Variants in CRYBA4 observed in about 807,000 individuals in gnomAD.
CRYBA4 encodes crystallin beta A4, also known as beta-crystallin A4.
In CRYBA4, 30 loss-of-function variants were observed where a neutral mutation model predicts 31.7. The ratio of observed to expected loss-of-function variants is 0.95; its 90% CI spans 0.71 to 1.28. CRYBA4 has a LOEUF of 1.28. Among genes scored for constraint, CRYBA4 ranks in the 50% most tolerant of loss-of-function variants. The probability of loss-of-function intolerance (pLI) is 0.00; values close to 1 mark genes in which losing one functional copy is unlikely to be tolerated. For missense variants in CRYBA4, 225 were observed against 260.7 expected, an observed-to-expected ratio of 0.86 and a Z score of 0.94; for synonymous variants, 102 against 102.3, an observed-to-expected ratio of 1.00 and a Z score of 0.02.
the CRYBA4 span, among the ~76,000 whole-genome samples, chr22:26,597,541 C>T: frequency 6.6e-6 from 1 of 152,202 alleles, no homozygotes; most frequent in African/African-American, 2.4e-5. Flanking sequence ...CCCTATTCTC[C>T]ATCAAGCAAG....
chr22:26,616,255 T>C, the CRYBA4 span: 6 of 1,613,950 alleles, frequency 3.7e-6, no homozygotes, highest in African/African-American at 8.0e-5. Flanking sequence ...CCCCTTCCCC[T>C]TGGTGTCAGG....
At chr22:26,608,152 A>T in the CRYBA4 span, 1 of 1,339,546 alleles carries the variant, frequency 7.5e-7, no homozygotes. Flanking sequence ...AGGGGGCTGA[A>T]CATGTCTGGG....
upstream of CRYBA4, among the ~76,000 whole-genome samples, chr22:26,619,853 C>T (rs1929476451): frequency 6.6e-6 from 1 of 152,248 alleles, no homozygotes; most frequent in African/African-American, 2.4e-5. Context: ...GGGCTGTCTG[C>T]CAGAGGGTGG....
intron 5 of CRYBA4, among the ~76,000 whole-genome samples, chr22:26,628,810 A>C (rs1490433785): frequency 4.6e-5 from 7 of 152,184 alleles, no homozygotes; most frequent in Admixed American, 6.5e-5. Flanking sequence ...GCCCTAGGGA[A>C]AGACAGTGTC....
chr22:26,619,817 C>T (rs74787886), upstream of CRYBA4, among the ~76,000 whole-genome samples: 1,902 of 152,306 alleles, frequency 0.012, 31 homozygotes, highest in African/African-American at 0.039. Flanking sequence ...GGGGCAGTTC[C>T]GTGCCCCCCC....
chr22:26,627,488 T>TTC (rs1929775374), intron 4 of CRYBA4, among the ~76,000 whole-genome samples: 2 of 81,604 alleles, frequency 2.5e-5, no homozygotes, highest in African/African-American at 6.1e-5. Flanking sequence ...CTTTCTTTCC[T>TTC]TTTCTTTCTT....
chr22:26,593,210 A>G, the CRYBA4 span, among the ~76,000 whole-genome samples: 3 of 152,240 alleles, frequency 2.0e-5, no homozygotes, highest in Non-Finnish European at 4.4e-5. Context: ...AAAACCCAGT[A>G]CTTAAGAGGT....
chr22:26,609,624 A>T, the CRYBA4 span, among the ~76,000 whole-genome samples: 1 of 152,082 alleles, frequency 6.6e-6, no homozygotes. Flanking sequence ...TGGAGAATGG[A>T]TGTATGTATG....
At chr22:26,601,179 G>A in the CRYBA4 span, among the ~76,000 whole-genome samples, 3 of 152,186 alleles carry the variant, frequency 2.0e-5, no homozygotes, top group African/African-American at 7.2e-5. Flanking sequence ...GAGAGACAGA[G>A]CCTTACGTTT....
the CRYBA4 span, among the ~76,000 whole-genome samples, chr22:26,603,273 TA>T: frequency 6.6e-6 from 1 of 152,162 alleles, no homozygotes; most frequent in Admixed American, 6.5e-5. Context: ...CTCACATCTG[TA>T]ATCCCAGCAC....
intron 5 of CRYBA4, 30 bp downstream of exon 5, chr22:26,628,460 G>C (rs1457351452): frequency 1.2e-6 from 2 of 1,612,468 alleles, no homozygotes. Context: ...TACCTGGCAG[G>C]GGAGGGGCTA....
At chr22:26,612,011 T>G in the CRYBA4 span, 1 of 1,216,280 alleles carries the variant, frequency 8.2e-7, no homozygotes, top group Non-Finnish European at 1.2e-6. Flanking sequence ...AAATGGCAGC[T>G]ACTGTTGTGT....
intron 4 of CRYBA4, among the ~76,000 whole-genome samples, chr22:26,627,634 T>TTCTC (rs771986344): frequency 0.19 from 24,388 of 131,578 alleles, 3,109 homozygotes; most frequent in East Asian, 0.37. Context: ...CCTTCCTTCC[T>TTCTC]TCTCTCTCTC....
At chr22:26,613,365 A>T in the CRYBA4 span, among the ~76,000 whole-genome samples, 1 of 152,206 alleles carries the variant, frequency 6.6e-6, no homozygotes, top group African/African-American at 2.4e-5. Flanking sequence ...GTTGCCCAAG[A>T]GAAACTCCTG....
At chr22:26,596,683 T>C in the CRYBA4 span, 9 of 152,210 alleles carry the variant, frequency 5.9e-5, no homozygotes, top group African/African-American at 2.2e-4. Flanking sequence ...GGGGCTCATA[T>C]GACTGTGAAG....
the CRYBA4 span, among the ~76,000 whole-genome samples, chr22:26,600,938 A>G: frequency 6.6e-6 from 1 of 152,222 alleles, no homozygotes. Context: ...TCTCACAGGT[A>G]TATCTGGGTT....
chr22:26,612,014 T>A, the CRYBA4 span: 1 of 1,260,066 alleles, frequency 7.9e-7, no homozygotes, highest in Non-Finnish European at 1.2e-6. Context: ...TGGCAGCTAC[T>A]GTTGTGTGGT....
At chr22:26,615,297 G>A in the CRYBA4 span, among the ~76,000 whole-genome samples, 3 of 152,118 alleles carry the variant, frequency 2.0e-5, no homozygotes, top group Non-Finnish European at 4.4e-5. Context: ...AGGGTCTGAG[G>A]CCATCCTGCT....
the CRYBA4 span, among the ~76,000 whole-genome samples, chr22:26,607,653 A>C: frequency 6.6e-6 from 1 of 151,916 alleles, no homozygotes. Context: ...TTTTAGCTCT[A>C]ACTTGGAAGC....
Sources: gnomAD v4.1 joint callset for allele counts (sites outside exome capture counted in the v4.1 genomes callset) on GRCh38, gnomAD v4.1.1 for gene constraint, MANE v1.5 for transcripts, NCBI Gene and HGNC (gene_info 2026-07-23, HGNC 2026-07-21) for gene names.